KCNQ5: variants seen among roughly 807,000 people sequenced by gnomAD.
KCNQ5 encodes the protein potassium voltage-gated channel subfamily KQT member 5.
KCNQ5 carries 30 observed loss-of-function variants against 98.2 expected under a neutral mutation model. The ratio of observed to expected loss-of-function variants is 0.31; its 90% CI spans 0.23 to 0.41. The LOEUF (loss-of-function observed/expected upper bound fraction) is 0.41, where lower values mean the gene tolerates loss of function less well. KCNQ5 is among the 10% of genes least tolerant of loss of function. The pLI, the probability that KCNQ5 is intolerant of heterozygous loss-of-function variation, is 1.00. For synonymous variants in KCNQ5, 458 were observed against 449.4 expected (o/e 1.02, Z -0.24); for missense variants, 835 against 1,182.5 (o/e 0.71, Z 4.31).
intron 5 of KCNQ5, among the ~76,000 whole-genome samples, chr6:73,104,264 C>A (rs939311349): frequency 6.6e-6 from 1 of 151,960 alleles, no homozygotes. Context: ...ACAGGAGACA[C>A]AATCAACACC....
intron 1 of KCNQ5, among the ~76,000 whole-genome samples, chr6:72,820,862 T>C (rs1460419779): frequency 1.3e-5 from 2 of 152,242 alleles, no homozygotes; most frequent in Admixed American, 6.5e-5. Context: ...ATAAGAGTTG[T>C]CATTTTCCAA....
chr6:73,046,690 G>A (rs555975792), intron 3 of KCNQ5, among the ~76,000 whole-genome samples: 63 of 141,360 alleles, frequency 4.5e-4, no homozygotes, highest in African/African-American at 1.7e-3. Flanking sequence ...CACCCAGGCT[G>A]GAGTCCAAAT....
intron 1 of KCNQ5, among the ~76,000 whole-genome samples, chr6:72,834,634 A>G (rs1274018391): frequency 2.6e-5 from 4 of 152,126 alleles, no homozygotes; most frequent in African/African-American, 9.6e-5. Context: ...TTTTTGCTCA[A>G]GGAAACTTTA....
chr6:73,125,378 C>A (rs1285560251), intron 9 of KCNQ5: 1 of 515,938 alleles, frequency 1.9e-6, no homozygotes, highest in East Asian at 5.5e-5. Context: ...CAGGTGGAAC[C>A]CAGTATTAAT....
intron 10 of KCNQ5, among the ~76,000 whole-genome samples, chr6:73,161,616 T>G (rs1185752477): frequency 2.6e-5 from 4 of 152,004 alleles, no homozygotes; most frequent in Admixed American, 2.6e-4. Context: ...CAATGAAAAA[T>G]AGAATTATTT....
chr6:72,707,981 G>A (rs185868307), intron 1 of KCNQ5, among the ~76,000 whole-genome samples: 10 of 152,272 alleles, frequency 6.6e-5, no homozygotes, highest in African/African-American at 2.2e-4. Flanking sequence ...ACTGCCTCAA[G>A]CCAGAATGTC....
intron 1 of KCNQ5, among the ~76,000 whole-genome samples, chr6:72,796,277 A>G (rs544464025): frequency 6.6e-6 from 1 of 152,188 alleles, no homozygotes; most frequent in South Asian, 2.1e-4. Flanking sequence ...CAAACTAATA[A>G]TCTCCCATTA....
intron 1 of KCNQ5, chr6:72,987,065 C>G (rs1297181405): frequency 1.1e-5 from 8 of 711,794 alleles, no homozygotes; most frequent in Non-Finnish European, 2.0e-5. Flanking sequence ...TGGAGAGCAG[C>G]CCTAGGAAAG....
chr6:73,046,013 C>T (rs961209457), intron 3 of KCNQ5, among the ~76,000 whole-genome samples: 4 of 151,988 alleles, frequency 2.6e-5, no homozygotes, highest in East Asian at 3.8e-4. Flanking sequence ...TTTTATCCTA[C>T]GTGGATAAAA....
intron 1 of KCNQ5, among the ~76,000 whole-genome samples, chr6:72,745,023 T>G (rs566571548): frequency 2.6e-5 from 4 of 152,290 alleles, no homozygotes; most frequent in Non-Finnish European, 4.4e-5. Context: ...AATTCTGATT[T>G]CTAGGCTATT....
intron 1 of KCNQ5, among the ~76,000 whole-genome samples, chr6:72,756,586 A>C (rs751283712): frequency 6.6e-6 from 1 of 152,188 alleles, no homozygotes; most frequent in Non-Finnish European, 1.5e-5. Context: ...CAAAGGGTCT[A>C]TTTCTACATA....
chr6:73,060,493 G>A (rs1377498643), intron 3 of KCNQ5, among the ~76,000 whole-genome samples: 1 of 151,994 alleles, frequency 6.6e-6, no homozygotes, highest in South Asian at 2.1e-4. Context: ...TTAGAACCTT[G>A]GAATCTGGAA....
chr6:72,972,564 A>C (rs908849977), intron 1 of KCNQ5, among the ~76,000 whole-genome samples: 2 of 150,812 alleles, frequency 1.3e-5, no homozygotes, highest in African/African-American at 2.4e-5. Flanking sequence ...TCAATGTTCA[A>C]CTCCCACTTA....
intron 1 of KCNQ5, among the ~76,000 whole-genome samples, chr6:72,875,888 A>G (rs1778387319): frequency 6.6e-6 from 1 of 152,034 alleles, no homozygotes; most frequent in Admixed American, 6.5e-5. Flanking sequence ...TTCATGTGCT[A>G]TCTTCCCTTC....
chr6:72,894,696 T>G (rs1375422819), intron 1 of KCNQ5, among the ~76,000 whole-genome samples: 1 of 152,198 alleles, frequency 6.6e-6, no homozygotes, highest in Admixed American at 6.5e-5. Flanking sequence ...GATTGTATAA[T>G]GAACATTATT....
intron 1 of KCNQ5, among the ~76,000 whole-genome samples, chr6:72,681,683 G>A (rs924561581): frequency 1.3e-5 from 2 of 152,018 alleles, no homozygotes; most frequent in Admixed American, 6.6e-5. Flanking sequence ...CGGATCTTGC[G>A]CCTTCACAGT....
At chr6:73,129,930 C>A in intron 9 of KCNQ5, 1 of 1,052,246 alleles carries the variant, frequency 9.5e-7, no homozygotes, top group Non-Finnish European at 1.5e-6. Flanking sequence ...CACCGCCACC[C>A]CACCTGAGCC....
At chr6:73,088,886 T>C (rs1539346) in intron 5 of KCNQ5, among the ~76,000 whole-genome samples, 111,821 of 152,028 alleles carry the variant, frequency 0.74, 45,017 homozygotes, top group Non-Finnish European at 0.89. Flanking sequence ...TAAACATTTC[T>C]CTTTACTCTC....
chr6:73,192,808 G>C, intron 13 of KCNQ5, 117 bp downstream of exon 13: 1 of 940,552 alleles, frequency 1.1e-6, no homozygotes, highest in Non-Finnish European at 1.5e-6. Context: ...CACAAAAAGA[G>C]TGAATAAAAT....
Sources: allele counts gnomAD v4.1 joint callset (sites outside exome capture counted in the v4.1 genomes callset), GRCh38; gene constraint gnomAD v4.1.1; transcripts MANE v1.5; gene names NCBI Gene and HGNC (gene_info 2026-07-23, HGNC 2026-07-21).